Variants in LRP1B observed in about 807,000 individuals in gnomAD.
LRP1B encodes low-density lipoprotein receptor-related protein 1B.
A neutral mutation model predicts 556.6 loss-of-function variants in LRP1B; 217 were observed. The observed-to-expected ratio is 0.39, with a 90% confidence interval of 0.35 to 0.44. LRP1B has a LOEUF of 0.44. LRP1B is among the 20% of genes least tolerant of loss of function. The pLI, the probability that LRP1B is intolerant of heterozygous loss-of-function variation, is 1.00. For missense variants in LRP1B, 5,053 were observed against 5,620.8 expected (o/e 0.90, Z 3.23); for synonymous variants, 2,047 against 1,865.8 (o/e 1.10, Z -2.50).
intron 7 of LRP1B, among the ~76,000 whole-genome samples, chr2:141,131,180 G>T (rs945793658): frequency 2.1e-5 from 3 of 141,536 alleles, no homozygotes; most frequent in African/African-American, 7.7e-5. Context: ...TCCACTTACA[G>T]TGGTGTAACC....
chr2:140,420,543 A>G (rs1044206149), intron 66 of LRP1B, among the ~76,000 whole-genome samples: 1 of 152,262 alleles, frequency 6.6e-6, no homozygotes, highest in Non-Finnish European at 1.5e-5. Flanking sequence ...TGTCCATACA[A>G]GGACTAATAC....
At chr2:140,741,176 TC>T (rs1688125100) in intron 35 of LRP1B, among the ~76,000 whole-genome samples, 1 of 152,184 alleles carries the variant, frequency 6.6e-6, no homozygotes, top group Non-Finnish European at 1.5e-5. Context: ...CATATGCAAG[TC>T]TACTAGAAAT....
In LRP1B at chr2:141,288,990, A is replaced by T. The variant is rs116313491; in HGVS notation, c.344-34349T>A. ...TTTGTACATGTACTTTGGAAATTAA[A>T]TGGCTACTTTTTTCTTCTCTTCACT... On this transcript the variant is annotated intron_variant, in intron 3 of 90. Transcript: ENST00000389484. 2.8e-3 allele frequency among the ~76,000 whole-genome samples: 433 copies of T among 152,306 alleles called. 2 individuals carry two copies. The highest frequency in any genetic ancestry group is 9.9e-3 in the African/African-American group (410 of 41,580).
intron 86 of LRP1B, among the ~76,000 whole-genome samples, chr2:140,261,820 G>A (rs1384457644): frequency 2.0e-5 from 3 of 151,866 alleles, no homozygotes; most frequent in Non-Finnish European, 4.4e-5. Context: ...AATAACAGTA[G>A]ATAATACTAG....
intron 41 of LRP1B, among the ~76,000 whole-genome samples, chr2:140,687,066 T>G (rs1426406295): frequency 6.6e-6 from 1 of 152,058 alleles, no homozygotes; most frequent in Non-Finnish European, 1.5e-5. Context: ...GTAAACAGAT[T>G]TTGCTCAAAT....
At chr2:140,837,155 G>C (rs1279781745) in intron 31 of LRP1B, among the ~76,000 whole-genome samples, 2 of 152,116 alleles carry the variant, frequency 1.3e-5, no homozygotes, top group Non-Finnish European at 1.5e-5. Context: ...CAGATGTCTT[G>C]CTTCATAAAT....
intron 43 of LRP1B, among the ~76,000 whole-genome samples, chr2:140,579,360 T>G (rs887189967): frequency 6.9e-6 from 1 of 144,946 alleles, no homozygotes; most frequent in African/African-American, 2.6e-5. Flanking sequence ...TAATACAACT[T>G]GTCTCCCCCA....
At chr2:141,488,044 C>A (rs1182628239) in intron 2 of LRP1B, among the ~76,000 whole-genome samples, 1 of 152,140 alleles carries the variant, frequency 6.6e-6, no homozygotes, top group East Asian at 1.9e-4. Flanking sequence ...TCATTGCTCT[C>A]ATTTTGTTCA....
At chr2:141,306,129 C>G (rs1392818793) in intron 3 of LRP1B, among the ~76,000 whole-genome samples, 1 of 125,070 alleles carries the variant, frequency 8.0e-6, no homozygotes, top group Non-Finnish European at 1.7e-5. Context: ...ATTACCTACT[C>G]TTCAATTATT....
chr2:140,995,022 A>G (rs1290298447), intron 15 of LRP1B, among the ~76,000 whole-genome samples: 1 of 151,920 alleles, frequency 6.6e-6, no homozygotes, highest in Non-Finnish European at 1.5e-5. Context: ...GAAGGGGAAA[A>G]AGCACTCAGG....
At chr2:140,559,744 A>G (rs1456917584) in intron 43 of LRP1B, among the ~76,000 whole-genome samples, 1 of 143,190 alleles carries the variant, frequency 7.0e-6, no homozygotes, top group Admixed American at 7.1e-5. Context: ...ATGATTCCAC[A>G]CTGACATAAA....
intron 59 of LRP1B, among the ~76,000 whole-genome samples, chr2:140,480,984 A>G (rs1382926828): frequency 6.6e-6 from 1 of 152,010 alleles, no homozygotes; most frequent in Non-Finnish European, 1.5e-5. Flanking sequence ...CTTCTGCCTC[A>G]GCCTCCCAGG....
intron 3 of LRP1B, among the ~76,000 whole-genome samples, chr2:141,291,452 T>C (rs1273294756): frequency 1.3e-5 from 2 of 152,188 alleles, no homozygotes; most frequent in African/African-American, 4.8e-5. Flanking sequence ...CAATGTTCTC[T>C]AGCTTTTGTA....
At chr2:141,458,326 G>T (rs1212743182) in intron 3 of LRP1B, among the ~76,000 whole-genome samples, 1 of 152,182 alleles carries the variant, frequency 6.6e-6, no homozygotes, top group Admixed American at 6.5e-5. Context: ...ACTTAGGACT[G>T]TTTGGGTCAT....
At chr2:141,103,708 G>GTTT (rs556602725) in intron 7 of LRP1B, among the ~76,000 whole-genome samples, 1 of 145,096 alleles carries the variant, frequency 6.9e-6, no homozygotes. Flanking sequence ...TAAGGCTGAA[G>GTTT]TTTTTTTTTT....
intron 18 of LRP1B, among the ~76,000 whole-genome samples, chr2:140,974,081 C>T (rs1696517622): frequency 6.6e-6 from 1 of 152,090 alleles, no homozygotes; most frequent in Non-Finnish European, 1.5e-5. Context: ...TTAGTTATCT[C>T]AAGAGCCAGA....
At chr2:141,928,287 T>G (rs575122235) in intron 1 of LRP1B, among the ~76,000 whole-genome samples, 29 of 152,188 alleles carry the variant, frequency 1.9e-4, no homozygotes, top group Non-Finnish European at 3.8e-4. Context: ...AATTACATTT[T>G]AATAGAGAGG....
At chr2:141,847,709 A>C (rs1202367072) in intron 1 of LRP1B, among the ~76,000 whole-genome samples, 1 of 151,626 alleles carries the variant, frequency 6.6e-6, no homozygotes, top group Admixed American at 6.6e-5. Context: ...ATGTTAATTT[A>C]CTAAATGATG....
At chr2:141,527,654 G>C (rs1243555462) in intron 2 of LRP1B, among the ~76,000 whole-genome samples, 1 of 152,022 alleles carries the variant, frequency 6.6e-6, no homozygotes, top group African/African-American at 2.4e-5. Flanking sequence ...TGAATGAATG[G>C]TGTGTTTTTA....
Sources: gnomAD v4.1 joint callset for allele counts (sites outside exome capture counted in the v4.1 genomes callset) on GRCh38, gnomAD v4.1.1 for gene constraint, MANE v1.5 for transcripts, NCBI Gene and HGNC (gene_info 2026-07-23, HGNC 2026-07-21) for gene names.